Variants in BTAF1 observed in about 807,000 individuals in gnomAD.
BTAF1 encodes TATA-binding protein-associated factor 172.
BTAF1 carries 38 observed loss-of-function variants against 227.1 expected under a neutral mutation model. That is an observed-to-expected ratio of 0.17 (90% CI 0.13 to 0.22). The LOEUF is 0.22. BTAF1 is among the 10% of genes least tolerant of loss of function. BTAF1 has a pLI of 1.00. For synonymous variants in BTAF1, 742 were observed against 751.9 expected, an observed-to-expected ratio of 0.99 and a Z score of 0.21; for missense variants, 1,598 against 2,204.0, an observed-to-expected ratio of 0.73 and a Z score of 5.51.
At chr10:91,991,795 G>GTATATATATATATATA (rs1489317546) in intron 20 of BTAF1, among the ~76,000 whole-genome samples, 2 of 5,638 alleles carry the variant, frequency 3.5e-4, no homozygotes, top group African/African-American at 5.0e-4. Flanking sequence ...GTGTGTGTGT[G>GTATATATATATATATA]TGTATATATA....
At chr10:91,936,712 G>C (rs1303822536) in intron 2 of BTAF1, among the ~76,000 whole-genome samples, 1 of 152,220 alleles carries the variant, frequency 6.6e-6, no homozygotes, top group Non-Finnish European at 1.5e-5. Context: ...ATATTAGGCA[G>C]TATTCGTGTG....
chr10:91,949,412 A>C (rs1845599289), intron 4 of BTAF1, among the ~76,000 whole-genome samples: 1 of 152,244 alleles, frequency 6.6e-6, no homozygotes, highest in Non-Finnish European at 1.5e-5. Flanking sequence ...AAAATGGGTT[A>C]CATTTTCTTT....
rs766382746 is a variant in BTAF1, at chr10:92,008,254, T to G, written c.3792T>G (p.Ala1264=). 4 of 1,579,386 alleles carry G rather than the reference T, an allele frequency of 2.5e-6. No homozygotes were observed. Among genetic ancestry groups the G allele is most frequent in the Non-Finnish European group, 3.4e-6 (4 of 1,171,538 alleles). Residue 1264 remains alanine, a synonymous_variant, in exon 26 of 38, where the codon GCT becomes GCG. Transcript: ENST00000265990. ...ENYKIPVPIN[A]ELRKYQQDGV... The stretch of plus-strand genomic sequence containing the variant: ...ATAAAATTCCAGTACCAATCAATGC[T>G]GAACTCAGAAAATATCAGCAGGTAA...
chr10:92,007,687 A>G (rs1850021852), intron 25 of BTAF1, among the ~76,000 whole-genome samples: 1 of 152,242 alleles, frequency 6.6e-6, no homozygotes, highest in Non-Finnish European at 1.5e-5. Context: ...AGATATCAAC[A>G]TGGTGATTAA....
Position 91,957,210 on chromosome 10 carries a change from G to A in BTAF1, c.832-15G>A, listed in dbSNP as rs528929284. 9 of 1,608,086 alleles carry A rather than the reference G, an allele frequency of 5.6e-6. No individual in the cohort carries two copies. The highest frequency in any genetic ancestry group is 4.5e-5 in the East Asian group (2 of 44,698). On this transcript the variant is annotated splice_polypyrimidine_tract_variant and intron_variant, in intron 7 of 37. Transcript: ENST00000265990. Reference sequence around the variant, plus strand: ...GACCTTTTGAACTAGTAGTAATTCTGTTTTTCTTATTCAGACAAATGAATG... The same window carrying A: ...GACCTTTTGAACTAGTAGTAATTCTATTTTTCTTATTCAGACAAATGAATG...
In BTAF1 at chr10:91,966,580, G is replaced by A; in HGVS notation, c.1530-57G>A. 1.9e-6 allele frequency: 3 copies of A among 1,560,626 alleles called. No individual in the cohort carries two copies. The South Asian group carries it at 3.4e-5, about 18-fold the overall frequency. Reference sequence around the variant, plus strand: ...GATCCCATGAGAATATTTAGATAATGTATCTACAGAGTTACAACTTAGAAT... The same window carrying A: ...GATCCCATGAGAATATTTAGATAATATATCTACAGAGTTACAACTTAGAAT... On this transcript the variant is annotated intron_variant, in intron 13 of 37. Coordinates refer to ENST00000265990, the MANE Select transcript of BTAF1 (RefSeq NM_003972.3).
Position 91,964,073 on chromosome 10 carries a change from A to T in BTAF1, c.1405-4A>T. On this transcript the variant is annotated splice_region_variant and splice_polypyrimidine_tract_variant and intron_variant, in intron 12 of 37. Coordinates refer to ENST00000265990, the MANE Select transcript of BTAF1 (RefSeq NM_003972.3). ...ATAACTTTTCTTGAAAACTGATCTTATAGGTGCCCTTCATTATAAATACAT... is the reference window on the plus strand; with the variant it reads ...ATAACTTTTCTTGAAAACTGATCTTTTAGGTGCCCTTCATTATAAATACAT... The T allele has an allele frequency of 6.2e-7, 1 of 1,611,798 alleles. No individual in the cohort carries two copies. Among genetic ancestry groups the T allele is most frequent in the South Asian group, 1.1e-5 (1 of 90,758 alleles).
rs368819509 is a variant in BTAF1 at position 91,950,148 on chromosome 10, T to TG, written c.401-1246dup. Among the ~76,000 whole-genome samples the TG allele has an allele frequency of 3.1e-3, 76 of 24,422 alleles. 1 individual carries two copies. Among genetic ancestry groups the TG allele is most frequent in the African/African-American group, 7.8e-3 (74 of 9,490 alleles). 16.0% of individuals were successfully genotyped at this position (24,422 alleles called of 152,430 possible). ...TCAGAGTGAGAGACCTTGTCCTTTG[T>TG]GGGGGGGGGCGGGAAAGAAGACTAG... On this transcript the variant is annotated intron_variant, in intron 4 of 37. Transcript: ENST00000265990.
intron 25 of BTAF1, among the ~76,000 whole-genome samples, chr10:92,000,656 C>G (rs1849458934): frequency 6.6e-6 from 1 of 152,114 alleles, no homozygotes; most frequent in African/African-American, 2.4e-5. Flanking sequence ...CTCCTGGGTT[C>G]AAGCAATTCT....
At position 91,953,927 on chromosome 10, in the gene BTAF1, A is replaced by T. The variant is rs1845925304; in HGVS notation, c.701+54A>T. The T allele has an allele frequency of 5.0e-6, 8 of 1,594,686 alleles. No individual in the cohort carries two copies. The South Asian group carries it at 9.1e-5, about 18-fold the overall frequency. ...AAAACAAGAGGGCTCTGTGGCTTTA[A>T]TCTGTGTCTGCTTGATTTATAGAAA... On this transcript the variant is annotated intron_variant, in intron 6 of 37. Coordinates refer to ENST00000265990, the MANE Select transcript of BTAF1 (RefSeq NM_003972.3).
chr10:91,963,193 G>T (rs992786427), intron 12 of BTAF1, among the ~76,000 whole-genome samples: 2 of 151,858 alleles, frequency 1.3e-5, no homozygotes, highest in East Asian at 3.9e-4. Context: ...ACTCTCCTGG[G>T]CTCAAGCAGT....
intron 12 of BTAF1, among the ~76,000 whole-genome samples, chr10:91,963,675 G>A (rs896564702): frequency 6.6e-6 from 1 of 152,140 alleles, no homozygotes; most frequent in Non-Finnish European, 1.5e-5. Context: ...AGTATTTTAA[G>A]AGCTTAAAAA....
intron 21 of BTAF1, 53 bp downstream of exon 21, chr10:91,992,362 C>T: frequency 6.9e-7 from 1 of 1,452,592 alleles, no homozygotes; most frequent in Non-Finnish European, 9.2e-7. Context: ...AAATATCTGA[C>T]TTACAAATTG....
intron 19 of BTAF1, among the ~76,000 whole-genome samples, chr10:91,987,292 G>A (rs2134005164): frequency 6.6e-6 from 1 of 152,066 alleles, no homozygotes; most frequent in African/African-American, 2.4e-5. Flanking sequence ...GACCATCCTG[G>A]CTAACATGGT....
intron 4 of BTAF1, among the ~76,000 whole-genome samples, chr10:91,947,374 T>G (rs1387707080): frequency 6.8e-6 from 1 of 147,954 alleles, no homozygotes; most frequent in African/African-American, 2.5e-5. Flanking sequence ...GATTTTGAGT[T>G]TTTTTTGTAT....
At chr10:91,954,819 A>G (rs1845989692) in intron 6 of BTAF1, among the ~76,000 whole-genome samples, 1 of 152,120 alleles carries the variant, frequency 6.6e-6, no homozygotes, top group Non-Finnish European at 1.5e-5. Context: ...CGGCCTCCCA[A>G]AGTGTCGGGA....
intron 30 of BTAF1, 36 bp downstream of exon 30, chr10:92,011,451 AT>A: frequency 1.9e-6 from 2 of 1,047,426 alleles, no homozygotes; most frequent in East Asian, 3.6e-5. Context: ...AATTATTTTT[AT>A]TTTTATTTTT....
At chr10:92,027,055 C>A in intron 36 of BTAF1, 75 bp from the exon 37 acceptor site, 1 of 1,451,540 alleles carries the variant, frequency 6.9e-7, no homozygotes, top group Non-Finnish European at 9.3e-7. Flanking sequence ...TAGTACAAGT[C>A]TACAAGCCCT....
intron 13 of BTAF1, among the ~76,000 whole-genome samples, chr10:91,964,543 A>G (rs548100073): frequency 2.2e-4 from 33 of 152,324 alleles, no homozygotes; most frequent in African/African-American, 7.2e-4. Flanking sequence ...ACATTTAGTT[A>G]ACAGAATTAT....
Sources: gnomAD v4.1 joint callset for allele counts (sites outside exome capture counted in the v4.1 genomes callset) on GRCh38, gnomAD v4.1.1 for gene constraint, MANE v1.5 for transcripts, NCBI Gene and HGNC (gene_info 2026-07-23, HGNC 2026-07-21) for gene names.